The following CACNB2 variants were observed in gnomAD, a reference collection of about 807,000 sequenced individuals.
The protein encoded by CACNB2 is voltage-dependent L-type calcium channel subunit beta-2.
In CACNB2, 42 loss-of-function variants were observed where a neutral mutation model predicts 73.3. The observed-to-expected ratio is 0.57, with a 90% CI of 0.45 to 0.74. The LOEUF is 0.74. Among genes scored for constraint, CACNB2 ranks in the 30% least tolerant of loss-of-function variants. The pLI, the probability that CACNB2 is intolerant of heterozygous loss-of-function variation, is 0.00. For synonymous variants in CACNB2, 348 were observed against 310.3 expected (o/e 1.12, Z -1.28); for missense variants, 940 against 853.0 (o/e 1.10, Z -1.27).
chr10:18,170,585 C>T (rs976861390), intron 2 of CACNB2, among the ~76,000 whole-genome samples: 1 of 152,118 alleles, frequency 6.6e-6, no homozygotes, highest in African/African-American at 2.4e-5. Context: ...TCTTAGTCTT[C>T]GTGATAAAAC....
chr10:18,277,979 A>G (rs1354318979), intron 2 of CACNB2, among the ~76,000 whole-genome samples: 1 of 152,214 alleles, frequency 6.6e-6, no homozygotes, highest in African/African-American at 2.4e-5. Flanking sequence ...ATTTTGGCTC[A>G]AATCTTGGAT....
At chr10:18,491,819 T>TAGA (rs2049446982) in intron 3 of CACNB2, among the ~76,000 whole-genome samples, 1 of 65,594 alleles carries the variant, frequency 1.5e-5, no homozygotes, top group Non-Finnish European at 3.1e-5. Context: ...TCAAGTTGGT[T>TAGA]AAAAAAAAAA....
chr10:18,260,703 G>T (rs1465300634), intron 2 of CACNB2: 18 of 993,314 alleles, frequency 1.8e-5, no homozygotes, highest in Non-Finnish European at 1.9e-5. Context: ...GTGAATCCAG[G>T]ATGCTGCTGT....
chr10:18,231,339 G>T (rs2036217732), intron 2 of CACNB2, among the ~76,000 whole-genome samples: 1 of 152,126 alleles, frequency 6.6e-6, no homozygotes, highest in South Asian at 2.1e-4. Flanking sequence ...ACCACACCCA[G>T]CTAAACTTTT....
intron 12 of CACNB2, among the ~76,000 whole-genome samples, chr10:18,536,785 G>A (rs2053649713): frequency 1.3e-5 from 2 of 152,152 alleles, no homozygotes; most frequent in South Asian, 2.1e-4. Flanking sequence ...TCCTGGTTCC[G>A]AAAATTTGGC....
chr10:18,407,826 CT>C (rs2044378128), intron 3 of CACNB2, among the ~76,000 whole-genome samples: 1 of 152,050 alleles, frequency 6.6e-6, no homozygotes, highest in Non-Finnish European at 1.5e-5. Context: ...TTTATAGCTT[CT>C]TGTTTTTATT....
chr10:18,388,698 A>G (rs529833156), intron 2 of CACNB2, among the ~76,000 whole-genome samples: 36 of 152,340 alleles, frequency 2.4e-4, no homozygotes, highest in African/African-American at 7.9e-4. Flanking sequence ...TATTTAAGCA[A>G]TCATAGGAGA....
rs1414826859 is a variant in CACNB2, at chr10:18,208,230, G to T, written c.213+57255G>T. On this transcript the variant is annotated intron_variant, in intron 2 of 13. Transcript: ENST00000324631. The stretch of plus-strand genomic sequence containing the variant: ...GCCTGTAACCTCAGCACTTTGGGAG[G>T]CTGAGGCTGGAGGATGACTTGAGCT... 2.6e-5 allele frequency among the ~76,000 whole-genome samples: 4 copies of T among 152,180 alleles called. No individual in the cohort carries two copies. The East Asian group carries it at 5.8e-4, about 22-fold the overall frequency.
chr10:18,429,128 T>C (rs1003445204), intron 3 of CACNB2, among the ~76,000 whole-genome samples: 2 of 152,236 alleles, frequency 1.3e-5, no homozygotes. Flanking sequence ...TCTCTTTATG[T>C]GTCTGAAGGA....
chr10:18,289,032 A>T (rs1277150470), intron 2 of CACNB2, among the ~76,000 whole-genome samples: 1 of 152,146 alleles, frequency 6.6e-6, no homozygotes, highest in Non-Finnish European at 1.5e-5. Flanking sequence ...GCGACAGAGC[A>T]AGACTCCATC....
chr10:18,180,084 G>A (rs942167228), intron 2 of CACNB2, among the ~76,000 whole-genome samples: 1 of 152,172 alleles, frequency 6.6e-6, no homozygotes, highest in African/African-American at 2.4e-5. Context: ...TAGCGTATCA[G>A]CGTGTATTTA....
chr10:18,386,593 A>C (rs1055168582), intron 2 of CACNB2, among the ~76,000 whole-genome samples: 4 of 151,546 alleles, frequency 2.6e-5, no homozygotes, highest in Admixed American at 2.6e-4. Flanking sequence ...TTTTTAGTAG[A>C]GACAGGGTTT....
chr10:18,335,390 C>T (rs914133153), intron 2 of CACNB2, among the ~76,000 whole-genome samples: 1 of 152,138 alleles, frequency 6.6e-6, no homozygotes, highest in African/African-American at 2.4e-5. Flanking sequence ...GCCTGGCCTA[C>T]ATGTTGAAAC....
At chr10:18,431,984 C>T (rs770925661) in intron 3 of CACNB2, among the ~76,000 whole-genome samples, 4 of 152,144 alleles carry the variant, frequency 2.6e-5, no homozygotes, top group Admixed American at 2.6e-4. Context: ...AGGCTGGTCT[C>T]GAACTCCTGA....
At chr10:18,233,960 C>T (rs574791344) in intron 2 of CACNB2, among the ~76,000 whole-genome samples, 1 of 152,196 alleles carries the variant, frequency 6.6e-6, no homozygotes, top group South Asian at 2.1e-4. Context: ...GCATAGGCGT[C>T]CCCTACTGTT....
intron 8 of CACNB2, 100 bp downstream of exon 8, chr10:18,518,516 G>A: frequency 1.1e-6 from 1 of 878,664 alleles, no homozygotes; most frequent in Non-Finnish European, 1.9e-6. Context: ...TACAGCTTAA[G>A]GAGCCAACTT....
intron 2 of CACNB2, among the ~76,000 whole-genome samples, chr10:18,379,650 C>T (rs2042934370): frequency 6.6e-6 from 1 of 152,180 alleles, no homozygotes; most frequent in Non-Finnish European, 1.5e-5. Context: ...CACTAACTCT[C>T]CATTCTCACC....
Position 18,248,470 on chromosome 10 carries a change from GAGA to G in CACNB2, c.213+97500_213+97502del, listed in dbSNP as rs778596126. On this transcript the variant is annotated intron_variant, in intron 2 of 13. Coordinates refer to ENST00000324631, the MANE Select transcript of CACNB2 (RefSeq NM_201596.3). ...TTCTACTATTTCTGATCTTAAATTT[GAGA>G]AGAACTTTTTCTGTTGTATCTGTCA... is the stretch of plus-strand genomic sequence containing the variant. 8.8e-3 allele frequency among the ~76,000 whole-genome samples: 1,338 copies of G among 152,230 alleles called. 17 individuals are homozygous for G. Among genetic ancestry groups the G allele is most frequent in the Admixed American group, 0.014 (209 of 15,284 alleles).
intron 2 of CACNB2, among the ~76,000 whole-genome samples, chr10:18,201,174 C>G (rs2034861806): frequency 6.6e-6 from 1 of 152,038 alleles, no homozygotes; most frequent in African/African-American, 2.4e-5. Flanking sequence ...ATAGTGAGCA[C>G]TATCATTTTC....
Sources: gnomAD v4.1 joint callset for allele counts (sites outside exome capture counted in the v4.1 genomes callset) on GRCh38, gnomAD v4.1.1 for gene constraint, MANE v1.5 for transcripts, NCBI Gene and HGNC (gene_info 2026-07-23, HGNC 2026-07-21) for gene names.